The following EXD3 variants were observed in gnomAD, a reference collection of about 807,000 sequenced individuals.
EXD3 encodes the protein exonuclease mut-7 homolog.
In EXD3, 92 loss-of-function variants were observed where a neutral mutation model predicts 98.0. That is an observed-to-expected ratio of 0.94 (90% confidence interval 0.79 to 1.12). The LOEUF (loss-of-function observed/expected upper bound fraction) is 1.12. EXD3 is among the 50% of genes most tolerant of loss of function. The probability of loss-of-function intolerance (pLI) is 0.00; values close to 1 mark genes in which losing one functional copy is unlikely to be tolerated. For missense variants in EXD3, 1,222 were observed against 1,191.6 expected, an observed-to-expected ratio of 1.03 and a Z score of -0.38; for synonymous variants, 569 against 526.0, an observed-to-expected ratio of 1.08 and a Z score of -1.12.
intron 1 of EXD3, among the ~76,000 whole-genome samples, chr9:137,413,682 G>C (rs1254118009): frequency 6.6e-6 from 1 of 150,710 alleles, no homozygotes; most frequent in East Asian, 2.0e-4. Flanking sequence ...TTATATTTCT[G>C]GTAGAGACGG....
Position 137,371,189 on chromosome 9 carries a change from G to A in EXD3, c.462+1716C>T, listed in dbSNP as rs1037449342. 2.0e-5 allele frequency among the ~76,000 whole-genome samples: 3 copies of A among 152,202 alleles called. No homozygotes were observed. The highest frequency in any genetic ancestry group is 2.9e-5 in the Non-Finnish European group (2 of 68,024). The stretch of plus-strand genomic sequence containing the variant: ...TTTGAAAGGCTCTGTAACAGAAGAC[G>A]GCCCGAAACACTAGCCTGCCTTCTG... On this transcript the variant is annotated intron_variant, in intron 5 of 21. Coordinates refer to ENST00000340951, the MANE Select transcript of EXD3 (RefSeq NM_017820.5). The surrounding 1 kb of genome is among the most constrained non-coding windows in gnomAD (Gnocchi z 8.0).
intron 17 of EXD3, among the ~76,000 whole-genome samples, chr9:137,331,504 G>A (rs1370544273): frequency 1.3e-5 from 2 of 152,136 alleles, no homozygotes; most frequent in Non-Finnish European, 2.9e-5. Flanking sequence ...TGTATACCTC[G>A]AAAACCCTAA....
intron 2 of EXD3, among the ~76,000 whole-genome samples, chr9:137,388,297 G>A (rs1836712036): frequency 6.6e-6 from 1 of 151,914 alleles, no homozygotes; most frequent in Non-Finnish European, 1.5e-5. Flanking sequence ...CGGCCAGGAC[G>A]GCTCCACCAT....
chr9:137,355,546 G>GATGGAGGAAGGGAGGATGGAGGAAGGAGA (rs1834649645), intron 8 of EXD3, among the ~76,000 whole-genome samples: 1 of 129,480 alleles, frequency 7.7e-6, no homozygotes, highest in Non-Finnish European at 1.6e-5. Context: ...GAGGAAGGAG[G>GATGGAGGAAGGGAGGATGGAGGAAGGAGA]AAGGAGGAAG....
intron 1 of EXD3, among the ~76,000 whole-genome samples, chr9:137,417,582 G>A (rs1004273462): frequency 2.0e-5 from 3 of 152,196 alleles, no homozygotes; most frequent in South Asian, 2.1e-4. Flanking sequence ...CCAGCAACGC[G>A]CGTCCGCACA....
chr9:137,345,523 G>A (rs1254659210), intron 17 of EXD3, among the ~76,000 whole-genome samples: 1 of 152,056 alleles, frequency 6.6e-6, no homozygotes, highest in Admixed American at 6.6e-5. Context: ...TTAGTTGGGT[G>A]TAGTGGCGAG....
At chr9:137,334,452 T>A (rs1409604189) in intron 17 of EXD3, among the ~76,000 whole-genome samples, 1 of 152,148 alleles carries the variant, frequency 6.6e-6, no homozygotes, top group East Asian at 1.9e-4. Context: ...AACGGATCTT[T>A]GACAAAGTAT....
At chr9:137,335,257 A>G (rs143031465) in intron 17 of EXD3, among the ~76,000 whole-genome samples, 215 of 152,292 alleles carry the variant, frequency 1.4e-3, no homozygotes, top group Admixed American at 3.1e-3. Context: ...ATGCATAGAC[A>G]TTTCTCAAAA....
chr9:137,420,746 C>CCCG (rs1554743375), intron 1 of EXD3, among the ~76,000 whole-genome samples: 3 of 147,766 alleles, frequency 2.0e-5, no homozygotes, highest in Non-Finnish European at 4.5e-5. Context: ...CACCCCCCCC[C>CCCG]CCAAATTCAT....
chr9:137,315,352 T>C (rs549724056), intron 19 of EXD3, among the ~76,000 whole-genome samples: 2 of 152,316 alleles, frequency 1.3e-5, no homozygotes, highest in South Asian at 4.1e-4. Flanking sequence ...TTGGCTGCCT[T>C]TGCCCACCTC....
At chr9:137,320,943 G>T (rs1300451527) in intron 19 of EXD3, among the ~76,000 whole-genome samples, 1 of 152,246 alleles carries the variant, frequency 6.6e-6, no homozygotes, top group Non-Finnish European at 1.5e-5. Flanking sequence ...CAGCGGACGC[G>T]GTTCCTGCCG....
At chr9:137,322,215 C>T (rs934731741) in intron 19 of EXD3, among the ~76,000 whole-genome samples, 18 of 152,156 alleles carry the variant, frequency 1.2e-4, no homozygotes, top group Non-Finnish European at 2.4e-4. Context: ...CAATTTCCCT[C>T]GATTCCTTCT....
intron 7 of EXD3, among the ~76,000 whole-genome samples, chr9:137,357,740 A>G (rs199698437): frequency 4.1e-4 from 31 of 75,382 alleles, no homozygotes; most frequent in East Asian, 2.3e-3. Flanking sequence ...ATATATATAT[A>G]TGTGTATATA....
At chr9:137,350,286 T>C (rs1396463666) in intron 14 of EXD3, among the ~76,000 whole-genome samples, 1 of 73,500 alleles carries the variant, frequency 1.4e-5, no homozygotes, top group Admixed American at 1.6e-4. Context: ...GGGTGGGGAT[T>C]ACGGGGAGAG....
At chr9:137,353,854 C>G (rs1834447483) in intron 10 of EXD3, 1 of 987,098 alleles carries the variant, frequency 1.0e-6, no homozygotes, top group Non-Finnish European at 1.2e-6. Context: ...GGCTTCAGGC[C>G]CAGCAGCCTG....
At chr9:137,345,101 C>CT (rs1444231721) in intron 17 of EXD3, among the ~76,000 whole-genome samples, 1 of 152,276 alleles carries the variant, frequency 6.6e-6, no homozygotes, top group African/African-American at 2.4e-5. Flanking sequence ...CAGCTTCTCT[C>CT]TGACAGCAGG....
intron 1 of EXD3, among the ~76,000 whole-genome samples, chr9:137,400,621 C>T (rs555478917): frequency 3.9e-5 from 6 of 152,158 alleles, no homozygotes; most frequent in East Asian, 1.9e-4. Context: ...CAAAATTAGC[C>T]GGGCGTGGTG....
rs569910062 is a variant in EXD3 at position 137,345,274 on chromosome 9, C to T, written c.1998+2797G>A. Among the ~76,000 whole-genome samples, 52 of 152,316 alleles carry T rather than the reference C, an allele frequency of 3.4e-4. 1 individual carries two copies. The South Asian group carries it at 0.011, about 32-fold the overall frequency. ...GTTTGTAAATTTATTAGTAATGCTCCTTTTGAAAGGTATGGAAAATGAAAC... is the reference window on the plus strand; with the variant it reads ...GTTTGTAAATTTATTAGTAATGCTCTTTTTGAAAGGTATGGAAAATGAAAC... On this transcript the variant is annotated intron_variant, in intron 17 of 21. Coordinates refer to ENST00000340951, the MANE Select transcript of EXD3 (RefSeq NM_017820.5).
intron 17 of EXD3, among the ~76,000 whole-genome samples, chr9:137,328,103 C>T (rs908026648): frequency 2.1e-3 from 304 of 144,716 alleles, no homozygotes; most frequent in Non-Finnish European, 3.6e-3. Context: ...GTAAAAACAA[C>T]TAATATACAC....
Sources: allele counts gnomAD v4.1 joint callset (sites outside exome capture counted in the v4.1 genomes callset), GRCh38; gene constraint gnomAD v4.1.1; non-coding constraint Gnocchi (gnomAD v3.1); transcripts MANE v1.5; gene names NCBI Gene and HGNC (gene_info 2026-07-23, HGNC 2026-07-21).